The following TMEM243 variants were observed in gnomAD, a reference collection of about 807,000 sequenced individuals.
TMEM243 encodes transmembrane protein 243.
In TMEM243, 20 loss-of-function variants were observed where a neutral mutation model predicts 15.0. The ratio of observed to expected loss-of-function variants is 1.33; its 90% CI spans 0.94 to 1.93. The LOEUF (loss-of-function observed/expected upper bound fraction) is 1.93, where lower values mean the gene tolerates loss of function less well. TMEM243 is among the 30% of genes most tolerant of loss of function. The probability of loss-of-function intolerance (pLI) is 0.00; values close to 1 mark genes in which losing one functional copy is unlikely to be tolerated. For missense variants in TMEM243, 156 were observed against 142.1 expected (o/e 1.10, Z -0.50); for synonymous variants, 72 against 52.7 (o/e 1.37, Z -1.59).
At position 87,197,926 on chromosome 7, in the gene TMEM243, C is replaced by G. The variant is rs749872951; in HGVS notation, c.234+15G>C. On this transcript the variant is annotated intron_variant, in intron 3 of 3. Transcript: ENST00000257637. ...AACCCTCAAGAACACTGTTTAAATT[C>G]TCAACAGTACTTACAAGTATGCAGG... 3.7e-6 allele frequency: 6 copies of G among 1,612,718 alleles called. No individual in the cohort carries two copies. The highest frequency in any genetic ancestry group is 5.1e-6 in the Non-Finnish European group (6 of 1,179,322).
At chr7:87,218,224 G>A (rs1429157947) in intron 1 of TMEM243, among the ~76,000 whole-genome samples, 1 of 152,174 alleles carries the variant, frequency 6.6e-6, no homozygotes, top group Non-Finnish European at 1.5e-5. Flanking sequence ...TGCCTAAGAT[G>A]GAACATCTAC....
intron 1 of TMEM243, among the ~76,000 whole-genome samples, chr7:87,210,752 C>T (rs1034489920): frequency 6.6e-6 from 1 of 152,222 alleles, no homozygotes; most frequent in Admixed American, 6.5e-5. Context: ...CACAGGCTGG[C>T]GCTGAGTGTC....
In TMEM243 at chr7:87,198,031, A is replaced by G. The variant is rs1801482794; in HGVS notation, c.144T>C (p.Ser48=). The change falls in exon 3 of 4, where the codon AGT becomes AGC. Residue 48 remains serine, a synonymous_variant. Transcript: ENST00000257637. ...TSLLILVTLI[S]AFVFPQLPPK... ...GAGGTAGTTGAGGGAAAACAAAAGC[A>G]CTTATCAGCGTTACCTGTATGAAGA... The G allele has an allele frequency of 6.2e-7, 1 of 1,612,342 alleles. No homozygotes were observed. The highest frequency in any genetic ancestry group is 1.1e-5 in the South Asian group (1 of 91,008).
At chr7:87,215,290 G>A (rs1255636715) in intron 1 of TMEM243, among the ~76,000 whole-genome samples, 1 of 152,092 alleles carries the variant, frequency 6.6e-6, no homozygotes, top group East Asian at 1.9e-4. Flanking sequence ...GTGTGTGTGT[G>A]ACAGGATCTC....
intron 3 of TMEM243, chr7:87,197,627 G>T: frequency 2.2e-6 from 2 of 928,226 alleles, no homozygotes; most frequent in Non-Finnish European, 3.0e-6. Flanking sequence ...CCCTTACGTA[G>T]TCCTTGAGTG....
At chr7:87,210,979 T>C (rs1308823389) in intron 1 of TMEM243, among the ~76,000 whole-genome samples, 1 of 152,208 alleles carries the variant, frequency 6.6e-6, no homozygotes, top group African/African-American at 2.4e-5. Flanking sequence ...TTGGCCCCTT[T>C]TAGCCACAGC....
chr7:87,203,597 A>T (rs1212641154), intron 1 of TMEM243, among the ~76,000 whole-genome samples: 6 of 151,690 alleles, frequency 4.0e-5, no homozygotes, highest in Admixed American at 6.6e-5. Context: ...CCTGGACAGA[A>T]TGAGAATCTT....
chr7:87,209,435 A>C (rs955200708), intron 1 of TMEM243, among the ~76,000 whole-genome samples: 2 of 152,006 alleles, frequency 1.3e-5, no homozygotes, highest in South Asian at 2.1e-4. Flanking sequence ...AGAGAGTGAG[A>C]CAGAGATTGA....
chr7:87,203,133 G>A (rs1801940978), intron 1 of TMEM243: 1 of 152,244 alleles, frequency 6.6e-6, no homozygotes, highest in Non-Finnish European at 1.5e-5. Context: ...AGTTTGGAAT[G>A]CTTACAAGCG....
At position 87,216,201 on chromosome 7, in the gene TMEM243, G is replaced by A. The variant is rs1316763033; in HGVS notation, c.78+3225C>T. 2.6e-5 allele frequency among the ~76,000 whole-genome samples: 4 copies of A among 151,810 alleles called. No homozygotes were observed. The South Asian group carries it at 8.3e-4, about 32-fold the overall frequency. On this transcript the variant is annotated intron_variant, in intron 1 of 3. Coordinates refer to ENST00000257637, the MANE Select transcript of TMEM243 (RefSeq NM_024315.4). ...AGGCAGGAGAATGGCATGAACCTGG[G>A]AGGCGGAGCTTGCAGTGAGCCGAGA...
chr7:87,214,011 G>A (rs543682753), intron 1 of TMEM243, among the ~76,000 whole-genome samples: 1 of 152,248 alleles, frequency 6.6e-6, no homozygotes, highest in Admixed American at 6.5e-5. Flanking sequence ...CTTCTTAGAG[G>A]ATGAGTCACT....
chr7:87,196,795 A>T, intron 3 of TMEM243, 37 bp from the exon 4 acceptor site: 1 of 1,413,018 alleles, frequency 7.1e-7, no homozygotes, highest in Non-Finnish European at 9.6e-7. Flanking sequence ...TTAAAATTTG[A>T]AATATAACAT....
intron 1 of TMEM243, among the ~76,000 whole-genome samples, chr7:87,203,905 C>T (rs1802009762): frequency 6.6e-6 from 1 of 152,092 alleles, no homozygotes; most frequent in Admixed American, 6.5e-5. Flanking sequence ...AAAAAGCAAG[C>T]TCTGGCATGG....
intron 1 of TMEM243, among the ~76,000 whole-genome samples, chr7:87,212,218 G>A (rs781000101): frequency 2.0e-5 from 3 of 152,194 alleles, no homozygotes; most frequent in Non-Finnish European, 4.4e-5. Flanking sequence ...TTTATACCAT[G>A]TCTAAGGGGG....
At chr7:87,206,213 T>C (rs565449129) in intron 1 of TMEM243, among the ~76,000 whole-genome samples, 1 of 151,940 alleles carries the variant, frequency 6.6e-6, no homozygotes, top group Admixed American at 6.5e-5. Flanking sequence ...GTGGGAATTA[T>C]GGGAGCTAAA....
intron 1 of TMEM243, among the ~76,000 whole-genome samples, chr7:87,212,540 CAGTTTA>C (rs1802825534): frequency 6.6e-6 from 1 of 152,152 alleles, no homozygotes; most frequent in African/African-American, 2.4e-5. Context: ...GACCAGACCT[CAGTTTA>C]AGTTTTTTTT....
Position 87,219,445 on chromosome 7 carries a change from A to G in TMEM243, c.59T>C (p.Phe20Ser), listed in dbSNP as rs1417618190. 6 of 1,614,178 alleles carry G rather than the reference A, an allele frequency of 3.7e-6. No homozygotes were observed. The highest frequency in any genetic ancestry group is 2.2e-5 in the East Asian group (1 of 44,884). The change falls in exon 1 of 4, where the codon TTT becomes TCT. Residue 20 changes from phenylalanine (F) to serine (S), a missense_variant. Transcript: ENST00000257637. ...GTSGLDNRPL[F>S]GETSAKDRII... The stretch of plus-strand genomic sequence containing the variant: ...ACTCACCTTGGCGGACGTCTCCCCA[A>G]ACAGAGGTCTGTTGTCCAGGCCACT...
At chr7:87,197,610 C>CTGT (rs1801405822) in intron 3 of TMEM243, 2 of 689,376 alleles carry the variant, frequency 2.9e-6, no homozygotes, top group Non-Finnish European at 4.3e-6. Flanking sequence ...TTCCCAAAGA[C>CTGT]TGTTGGCCCT....
chr7:87,219,488 T>C lies in TMEM243; in HGVS notation c.16A>G (p.Thr6Ala). The change falls in exon 1 of 4, where the codon ACC becomes GCC. Residue 6 changes from threonine (T) to alanine (A), a missense_variant. Coordinates refer to ENST00000257637, the MANE Select transcript of TMEM243 (RefSeq NM_024315.4). MEDFA[T>A]RTYGTSGLDN... Reference sequence around the variant, plus strand: ...AGGCCACTGGTGCCGTAGGTCCTGGTAGCAAAGTCCTCCATTTTGGGGTTT... The same window carrying C: ...AGGCCACTGGTGCCGTAGGTCCTGGCAGCAAAGTCCTCCATTTTGGGGTTT... 1 of 1,614,200 alleles carries C rather than the reference T, an allele frequency of 6.2e-7. No individual in the cohort carries two copies. Among genetic ancestry groups the C allele is most frequent in the Non-Finnish European group, 8.5e-7 (1 of 1,180,022 alleles).
Sources: gnomAD v4.1 joint callset for allele counts (sites outside exome capture counted in the v4.1 genomes callset) on GRCh38, gnomAD v4.1.1 for gene constraint, MANE v1.5 for transcripts, NCBI Gene and HGNC (gene_info 2026-07-23, HGNC 2026-07-21) for gene names.